Variants in FRYL observed in about 807,000 individuals in gnomAD.
FRYL encodes protein furry homolog-like.
Under a neutral mutation model 351.2 loss-of-function variants are expected in FRYL, and 150 were observed. The observed-to-expected ratio is 0.43, with a 90% CI of 0.37 to 0.49. The LOEUF (loss-of-function observed/expected upper bound fraction) is 0.49, where lower values mean the gene tolerates loss of function less well. FRYL is among the 20% of genes least tolerant of loss of function. FRYL has a pLI of 0.00. For synonymous variants in FRYL, 1,153 were observed against 1,257.1 expected (o/e 0.92, Z 1.75); for missense variants, 3,036 against 3,619.3 (o/e 0.84, Z 4.13).
chr4:48,671,927 C>T (rs1359117668), intron 3 of FRYL, among the ~76,000 whole-genome samples: 1 of 146,614 alleles, frequency 6.8e-6, no homozygotes, highest in Non-Finnish European at 1.5e-5. Context: ...TGTTTCAAGC[C>T]CCATTAACTG....
chr4:48,617,471 C>G (rs1282606896), intron 7 of FRYL: 3 of 151,914 alleles, frequency 2.0e-5, no homozygotes, highest in African/African-American at 7.3e-5. Flanking sequence ...GCCTCAGCCT[C>G]CAGAGTAGCT....
chr4:48,694,459 G>A (rs1765960841), intron 2 of FRYL, among the ~76,000 whole-genome samples: 1 of 152,008 alleles, frequency 6.6e-6, no homozygotes. Flanking sequence ...ACTGCGCCCA[G>A]CTACGTTTTG....
chr4:48,726,136 T>C (rs1196507973), intron 1 of FRYL, among the ~76,000 whole-genome samples: 1 of 152,104 alleles, frequency 6.6e-6, no homozygotes, highest in Non-Finnish European at 1.5e-5. Context: ...TTTGTGGGGG[T>C]AGGTGGTGAG....
chr4:48,527,163 T>C (rs1577951015), intron 53 of FRYL, among the ~76,000 whole-genome samples: 2 of 152,294 alleles, frequency 1.3e-5, no homozygotes, highest in South Asian at 4.1e-4. Flanking sequence ...TATAAATTTT[T>C]ACCATTTGGC....
intron 24 of FRYL, among the ~76,000 whole-genome samples, chr4:48,575,496 C>T (rs1489932187): frequency 1.3e-5 from 2 of 152,170 alleles, no homozygotes; most frequent in Non-Finnish European, 2.9e-5. Flanking sequence ...AATAGGCTGA[C>T]TCCCTTCATC....
chr4:48,622,027 C>A (rs1160584975), intron 5 of FRYL, among the ~76,000 whole-genome samples: 2 of 152,016 alleles, frequency 1.3e-5, no homozygotes, highest in South Asian at 4.1e-4. Context: ...AAAGAAGGAA[C>A]AATAAAAACC....
Position 48,505,540 on chromosome 4 carries a change from A to AACTT in FRYL, c.8463+3_8463+6dup. ...GTATGTTGCAAAAACAGGAACAAGA[A>AACTT]ACTTACTTGTGCATCTGTGTTTATC... is the stretch of plus-strand genomic sequence containing the variant. On this transcript the variant is annotated splice_region_variant and intron_variant, in intron 60 of 63. Transcript: ENST00000358350. The AACTT allele has an allele frequency of 6.3e-7, 1 of 1,583,730 alleles. No homozygotes were observed. Among genetic ancestry groups the AACTT allele is most frequent in the Non-Finnish European group, 8.7e-7 (1 of 1,155,190 alleles).
intron 3 of FRYL, among the ~76,000 whole-genome samples, chr4:48,659,417 G>GGA (rs1243924645): frequency 0.023 from 23 of 1,014 alleles, 9 homozygotes; most frequent in Middle Eastern, 1. Context: ...GAAGGAGAAG[G>GGA]AGAAGGAGAA....
chr4:48,614,614 C>T (rs1384381519), intron 7 of FRYL, among the ~76,000 whole-genome samples: 9 of 139,036 alleles, frequency 6.5e-5, no homozygotes, highest in African/African-American at 1.9e-4. Context: ...CTCAGCTTCT[C>T]GGGAGGCTGA....
chr4:48,717,038 CA>C (rs1768925599), intron 1 of FRYL, among the ~76,000 whole-genome samples: 1 of 146,020 alleles, frequency 6.8e-6, no homozygotes, highest in Non-Finnish European at 1.5e-5. Flanking sequence ...AACCAAACAC[CA>C]CATATTCTCA....
chr4:48,569,979 A>G (rs1359743589), intron 27 of FRYL, among the ~76,000 whole-genome samples: 2 of 151,754 alleles, frequency 1.3e-5, no homozygotes, highest in African/African-American at 2.4e-5. Flanking sequence ...TTCCTGGCTG[A>G]TTGTTTGCGT....
Position 48,594,018 on chromosome 4 carries a change from T to TA in FRYL, c.1249-3_1249-2insT. 1 of 1,430,184 alleles carries TA rather than the reference T, an allele frequency of 7.0e-7. No individual in the cohort carries two copies. Among genetic ancestry groups the TA allele is most frequent in the Non-Finnish European group, 9.3e-7 (1 of 1,075,812 alleles). 88.6% of individuals were successfully genotyped at this position (1,430,184 alleles called of 1,614,324 possible). A position where few individuals can be genotyped will look rare whatever the true frequency, so the allele number is the denominator to read the frequency against. ...TTTCATTGCAAAATCCAAGCGTTCC[T>TA]TAAAAAAAAAAAAATCCTTATAACT... On this transcript the variant is annotated splice_polypyrimidine_tract_variant and splice_region_variant and intron_variant, in intron 15 of 63. Transcript: ENST00000358350.
chr4:48,670,424 C>A (rs1762467028), intron 3 of FRYL, among the ~76,000 whole-genome samples: 1 of 151,068 alleles, frequency 6.6e-6, no homozygotes. Context: ...CAGAGTGAGA[C>A]TCCATCTCGA....
rs73246037 is a variant in FRYL at position 48,764,821 on chromosome 4, G to A, written c.-384+15257C>T. On this transcript the variant is annotated intron_variant, in intron 1 of 63. Coordinates refer to ENST00000358350, the MANE Select transcript of FRYL (RefSeq NM_015030.2). ...GGGCAATCCCTATCAAAATTCCAAC[G>A]GCATTTTTCACAGAAATAGGAAAAG... Among the ~76,000 whole-genome samples the A allele has an allele frequency of 2.7e-3, 407 of 152,206 alleles. 2 individuals carry two copies. The highest frequency in any genetic ancestry group is 4.8e-3 in the South Asian group (23 of 4,816).
intron 43 of FRYL, among the ~76,000 whole-genome samples, chr4:48,544,430 C>T (rs916954010): frequency 1.1e-4 from 17 of 152,134 alleles, no homozygotes; most frequent in African/African-American, 3.6e-4. Context: ...CTATGATTTT[C>T]AGAATGTGTT....
chr4:48,683,871 C>A (rs760155365), intron 3 of FRYL, among the ~76,000 whole-genome samples: 20 of 152,188 alleles, frequency 1.3e-4, no homozygotes, highest in Non-Finnish European at 2.5e-4. Context: ...CCCCCTCTCT[C>A]CCTCCTTCTC....
intron 7 of FRYL, among the ~76,000 whole-genome samples, chr4:48,614,391 C>A (rs938487589): frequency 6.6e-6 from 1 of 152,122 alleles, no homozygotes; most frequent in Non-Finnish European, 1.5e-5. Context: ...AGAAGCGGCT[C>A]TAATTCTACT....
At chr4:48,519,507 T>TTTA (rs1553917239) in intron 55 of FRYL, among the ~76,000 whole-genome samples, 2 of 147,876 alleles carry the variant, frequency 1.4e-5, no homozygotes, top group Non-Finnish European at 1.5e-5. Flanking sequence ...TTTTTTTTTT[T>TTTA]AATTTTTTAT....
Position 48,561,469 on chromosome 4 carries a change from T to C in FRYL, c.3864A>G (p.Ser1288=). 6.3e-7 allele frequency: 1 copy of C among 1,584,938 alleles called. No homozygotes were observed. Residue 1288 remains serine (S), a splice_region_variant and synonymous_variant, in exon 33 of 64, where the codon TCA becomes TCG. Coordinates refer to ENST00000358350, the MANE Select transcript of FRYL (RefSeq NM_015030.2). ...AYPELTLAIF[S]EISQRIQTAH... ...TACTAACCAGTTCATTGATCATACC[T>C]GAGAATATGGCGAGAGTTAGCTCAG...
Sources: gnomAD v4.1 joint callset for allele counts (sites outside exome capture counted in the v4.1 genomes callset) on GRCh38, gnomAD v4.1.1 for gene constraint, MANE v1.5 for transcripts, NCBI Gene and HGNC (gene_info 2026-07-23, HGNC 2026-07-21) for gene names.